Variants in SVEP1 observed in about 807,000 individuals in gnomAD.
SVEP1 encodes sushi, von Willebrand factor type A, EGF and pentraxin domain-containing protein 1.
A neutral mutation model predicts 367.3 loss-of-function variants in SVEP1; 164 were observed. The ratio of observed to expected loss-of-function variants is 0.45; its 90% CI spans 0.39 to 0.51. The LOEUF (loss-of-function observed/expected upper bound fraction) is 0.51. Among genes scored for constraint, SVEP1 ranks in the 20% least tolerant of loss-of-function variants. The pLI, the probability that SVEP1 is intolerant of heterozygous loss-of-function variation, is 0.00. For missense variants in SVEP1, 4,117 were observed against 4,425.3 expected (o/e 0.93, Z 1.98); for synonymous variants, 1,666 against 1,611.6 (o/e 1.03, Z -0.81).
chr9:110,542,323 T>C (rs112900466), intron 3 of SVEP1, among the ~76,000 whole-genome samples: 4 of 152,152 alleles, frequency 2.6e-5, no homozygotes, highest in African/African-American at 7.2e-5. Flanking sequence ...AGGCCTCAAT[T>C]TCCTCTTGTA....
chr9:110,427,831 C>G (rs780115931), intron 35 of SVEP1, 73 bp from the exon 36 acceptor site: 173 of 1,503,712 alleles, frequency 1.2e-4, no homozygotes, highest in African/African-American at 2.8e-4. Flanking sequence ...AGGAAGAACT[C>G]TGGAGAAAAT....
At chr9:110,460,679 G>A (rs2118641570) in intron 18 of SVEP1, among the ~76,000 whole-genome samples, 1 of 152,134 alleles carries the variant, frequency 6.6e-6, no homozygotes, top group East Asian at 1.9e-4. Flanking sequence ...TTGAACCCAG[G>A]AGGCAGAGGT....
chr9:110,533,195 G>A lies in SVEP1; in HGVS notation c.964+12920C>T, dbSNP rs569234752. 1.2e-4 allele frequency among the ~76,000 whole-genome samples: 18 copies of A among 152,192 alleles called. No individual in the cohort carries two copies. The South Asian group carries it at 1.2e-3, about 11-fold the overall frequency. ...TCCTAACAGGCCACAGATCAGTACC[G>A]GTCCATGGCCCAGAGGTTGGGAACT... On this transcript the variant is annotated intron_variant, in intron 3 of 47. Transcript: ENST00000374469.
intron 3 of SVEP1, among the ~76,000 whole-genome samples, chr9:110,545,136 T>C (rs545052951): frequency 6.6e-6 from 1 of 152,352 alleles, no homozygotes; most frequent in East Asian, 1.9e-4. Flanking sequence ...ATTGTGTATA[T>C]AGACCACATT....
chr9:110,519,846 A>C (rs1308275777), intron 3 of SVEP1, among the ~76,000 whole-genome samples: 2 of 152,134 alleles, frequency 1.3e-5, no homozygotes, highest in African/African-American at 4.8e-5. Flanking sequence ...CTAACAAGCT[A>C]TGGGGTCACT....
chr9:110,375,548 G>A (rs926603433), intron 45 of SVEP1, 85 bp from the exon 46 acceptor site: 1 of 1,267,764 alleles, frequency 7.9e-7, no homozygotes, highest in Admixed American at 2.6e-5. Context: ...ATAGGTTCAA[G>A]GGTTCAGAAA....
intron 1 of SVEP1, 149 bp from the exon 2 acceptor site, chr9:110,550,253 G>C: frequency 9.9e-7 from 1 of 1,010,970 alleles, no homozygotes; most frequent in Non-Finnish European, 1.5e-6. Flanking sequence ...ACAGAAATAG[G>C]CACAGATGAG....
intron 1 of SVEP1, among the ~76,000 whole-genome samples, chr9:110,564,595 AC>A (rs1334429350): frequency 2.0e-5 from 3 of 152,200 alleles, no homozygotes; most frequent in Non-Finnish European, 4.4e-5. Context: ...TCATAAAAAA[AC>A]ACATTTAATT....
At chr9:110,470,043 G>A (rs150771003) in intron 16 of SVEP1, among the ~76,000 whole-genome samples, 3 of 152,270 alleles carry the variant, frequency 2.0e-5, no homozygotes, top group East Asian at 1.9e-4. Flanking sequence ...AGAGATGAAC[G>A]TAAGATTCAT....
Position 110,443,724 on chromosome 9 carries a change from T to C in SVEP1, c.4464-4A>G, listed in dbSNP as rs1564144343. ...GCCATTCACATAAAGAACCCAGCTG[T>C]AGAGAGAAAGATTCCAGGGAATGTA... On this transcript the variant is annotated splice_region_variant and splice_polypyrimidine_tract_variant and intron_variant, in intron 26 of 47. Coordinates refer to ENST00000374469, the MANE Select transcript of SVEP1 (RefSeq NM_153366.4). 8.9e-6 allele frequency: 14 copies of C among 1,579,148 alleles called. No individual in the cohort carries two copies. In the South Asian group the frequency reaches 9.3e-5, roughly 11 times the overall value.
chr9:110,556,827 A>G (rs1407122478), intron 1 of SVEP1, among the ~76,000 whole-genome samples: 1 of 152,184 alleles, frequency 6.6e-6, no homozygotes, highest in Non-Finnish European at 1.5e-5. Context: ...AATCTTGATG[A>G]GCCAATAGAA....
Position 110,366,488 on chromosome 9 carries a change from A to AGG in SVEP1, c.*50_*51insCC, listed in dbSNP as rs1355161189. On this transcript the variant is annotated 3_prime_UTR_variant, in exon 48 of 48. Transcript: ENST00000374469. ...ATAAGTTCCAGGATGCCCAGGCACTACCGAGGAGAGATGATCCTGCTTTTG... is the reference window on the plus strand; with the variant it reads ...ATAAGTTCCAGGATGCCCAGGCACTAGGCCGAGGAGAGATGATCCTGCTTTTG... 9 of 1,529,564 alleles carry AGG rather than the reference A, an allele frequency of 5.9e-6. No homozygotes were observed. Among genetic ancestry groups the AGG allele is most frequent in the East Asian group, 2.4e-5 (1 of 42,094 alleles). The allele number at this position is 1,529,564 out of a possible 1,614,324, so 94.7% of individuals were successfully genotyped here. A position where few individuals can be genotyped will look rare whatever the true frequency, so the allele number is the denominator to read the frequency against.
In SVEP1 at chr9:110,446,805, C is replaced by T. The variant is rs1828607558; in HGVS notation, c.4261+95G>A. 4 of 1,155,606 alleles carry T rather than the reference C, an allele frequency of 3.5e-6. No homozygotes were observed. The East Asian group carries it at 1.2e-4, about 34-fold the overall frequency. 71.6% of individuals were successfully genotyped at this position (1,155,606 alleles called of 1,614,324 possible). ...ACAAAGTGCTTGGCATCGTTTTTGG[C>T]CTACGGACACTGCTTGGTGCAGGCA... On this transcript the variant is annotated intron_variant, in intron 25 of 47. Transcript: ENST00000374469.
At chr9:110,567,844 G>A (rs1165432928) in intron 1 of SVEP1, among the ~76,000 whole-genome samples, 3 of 152,072 alleles carry the variant, frequency 2.0e-5, no homozygotes, top group Non-Finnish European at 1.5e-5. Context: ...CTGCATCTCC[G>A]CCTGAGGGCT....
intron 45 of SVEP1, chr9:110,376,956 T>A (rs1264300764): frequency 4.4e-6 from 1 of 228,436 alleles, no homozygotes; most frequent in East Asian, 8.5e-5. Flanking sequence ...TAGCACATAG[T>A]AGACCTTGAG....
intron 5 of SVEP1, among the ~76,000 whole-genome samples, chr9:110,509,345 T>C (rs1289633878): frequency 6.6e-6 from 1 of 152,218 alleles, no homozygotes; most frequent in Non-Finnish European, 1.5e-5. Flanking sequence ...CACTGAGCAT[T>C]AGTGAAAGTG....
At chr9:110,400,071 A>G (rs1408971623) in intron 40 of SVEP1, among the ~76,000 whole-genome samples, 2 of 152,206 alleles carry the variant, frequency 1.3e-5, no homozygotes, top group African/African-American at 2.4e-5. Flanking sequence ...TGAAGTTGGT[A>G]TTAGTTAAAA....
At chr9:110,412,109 C>T (rs192472295) in intron 36 of SVEP1, among the ~76,000 whole-genome samples, 1 of 152,232 alleles carries the variant, frequency 6.6e-6, no homozygotes, top group Non-Finnish European at 1.5e-5. Context: ...TTAAGGAACT[C>T]TAATAATTGC....
At chr9:110,489,371 T>C (rs868123871) in intron 9 of SVEP1, among the ~76,000 whole-genome samples, 8 of 152,246 alleles carry the variant, frequency 5.3e-5, no homozygotes, top group African/African-American at 9.6e-5. Flanking sequence ...CACAGTTCCA[T>C]ATGGCTGGGG....
Sources: allele counts gnomAD v4.1 joint callset (sites outside exome capture counted in the v4.1 genomes callset), GRCh38; gene constraint gnomAD v4.1.1; transcripts MANE v1.5; gene names NCBI Gene and HGNC (gene_info 2026-07-23, HGNC 2026-07-21).